KAZN: variants seen among roughly 807,000 people sequenced by gnomAD.
The protein encoded by KAZN is kazrin.
In KAZN, 40 loss-of-function variants were observed where a neutral mutation model predicts 87.4. That is an observed-to-expected ratio of 0.46 (90% CI 0.36 to 0.60). KAZN has a LOEUF of 0.60. Ranked by LOEUF, KAZN falls within the 20% of genes least tolerant of loss-of-function variation. KAZN has a pLI of 0.00. For missense variants in KAZN, 898 were observed against 1,073.9 expected (o/e 0.84, Z 2.29); for synonymous variants, 466 against 458.3 (o/e 1.02, Z -0.22).
chr1:14,958,893 A>G (rs1469924692), intron 1 of KAZN, among the ~76,000 whole-genome samples: 1 of 152,038 alleles, frequency 6.6e-6, no homozygotes, highest in Non-Finnish European at 1.5e-5. Context: ...TGGCCAGCGC[A>G]AGGCTGGTGA....
intron 1 of KAZN, among the ~76,000 whole-genome samples, chr1:14,775,638 G>A (rs960089724): frequency 6.6e-6 from 1 of 152,216 alleles, no homozygotes; most frequent in African/African-American, 2.4e-5. Context: ...GCGCCATGCT[G>A]CTCGCCACAC....
At chr1:13,978,443 T>G (rs1638483583) in intron 1 of KAZN, among the ~76,000 whole-genome samples, 2 of 150,814 alleles carry the variant, frequency 1.3e-5, no homozygotes, top group Non-Finnish European at 3.0e-5. Context: ...TAAAAGAAGA[T>G]AAATAATTAC....
intron 2 of KAZN, among the ~76,000 whole-genome samples, chr1:14,524,157 G>A (rs1340574778): frequency 6.6e-6 from 1 of 152,116 alleles, no homozygotes; most frequent in East Asian, 1.9e-4. Context: ...GAGTAGCTGG[G>A]ATTACAGGCA....
At chr1:14,649,178 T>C (rs1681036661) in intron 1 of KAZN, among the ~76,000 whole-genome samples, 1 of 152,230 alleles carries the variant, frequency 6.6e-6, no homozygotes, top group Non-Finnish European at 1.5e-5. Context: ...GAGTAAAGAT[T>C]TGTTCTCTTC....
intron 3 of KAZN, among the ~76,000 whole-genome samples, chr1:15,039,021 A>G (rs948675621): frequency 6.7e-6 from 1 of 148,968 alleles, no homozygotes; most frequent in African/African-American, 2.4e-5. Context: ...TACCAGTAGC[A>G]GATGTTTATT....
At position 14,553,201 on chromosome 1, in the gene KAZN, C is replaced by G. The variant is rs183262145; in HGVS notation, c.250-45782C>G. On this transcript the variant is annotated intron_variant, in intron 2 of 16. Transcript: ENST00000636203. ...ACCAGCCTGGCCAACATAGCAAAACCTTGTCTCTACTGAAAACACAAAAAA... is the reference window on the plus strand; with the variant it reads ...ACCAGCCTGGCCAACATAGCAAAACGTTGTCTCTACTGAAAACACAAAAAA... 4.4e-3 allele frequency among the ~76,000 whole-genome samples: 675 copies of G among 152,186 alleles called. 2 individuals are homozygous for G. The highest frequency in any genetic ancestry group is 7.4e-3 in the Non-Finnish European group (500 of 68,006).
At chr1:14,892,642 G>C (rs1312917085) in intron 1 of KAZN, among the ~76,000 whole-genome samples, 2 of 152,190 alleles carry the variant, frequency 1.3e-5, no homozygotes, top group Non-Finnish European at 2.9e-5. Flanking sequence ...GCAAGCTTTC[G>C]AATGACCTCT....
chr1:14,180,018 A>G (rs1056582601), intron 1 of KAZN, among the ~76,000 whole-genome samples: 1 of 152,214 alleles, frequency 6.6e-6, no homozygotes, highest in Non-Finnish European at 1.5e-5. Flanking sequence ...AGCCAACTGT[A>G]TTACCATAAA....
chr1:14,730,069 G>T (rs1643606517), intron 1 of KAZN, among the ~76,000 whole-genome samples: 1 of 152,070 alleles, frequency 6.6e-6, no homozygotes, highest in Non-Finnish European at 1.5e-5. Context: ...AGAGTTTGCT[G>T]GTCCCTCTCA....
At chr1:14,247,911 T>G (rs1465358001) in intron 2 of KAZN, among the ~76,000 whole-genome samples, 1 of 152,186 alleles carries the variant, frequency 6.6e-6, no homozygotes, top group South Asian at 2.1e-4. Flanking sequence ...CAGTTGCTCT[T>G]GTACTACACA....
intron 1 of KAZN, among the ~76,000 whole-genome samples, chr1:13,944,533 A>T (rs1312148051): frequency 6.6e-6 from 1 of 152,240 alleles, no homozygotes; most frequent in Non-Finnish European, 1.5e-5. Context: ...ATATACCTGA[A>T]TAAAGTTGTT....
intron 1 of KAZN, among the ~76,000 whole-genome samples, chr1:14,691,943 T>TA (rs1245113779): frequency 1.1e-4 from 16 of 145,186 alleles, no homozygotes; most frequent in Non-Finnish European, 2.0e-4. Flanking sequence ...TTTTTTTTTT[T>TA]ACGATGAATT....
intron 2 of KAZN, among the ~76,000 whole-genome samples, chr1:14,527,389 A>G (rs1013484006): frequency 3.5e-4 from 53 of 152,072 alleles, no homozygotes; most frequent in African/African-American, 1.3e-3. Context: ...TCTCTACTAA[A>G]AATGCAAAAA....
intron 1 of KAZN, among the ~76,000 whole-genome samples, chr1:14,073,678 G>T (rs145893780): frequency 0.013 from 1,915 of 152,100 alleles, 17 homozygotes; most frequent in Middle Eastern, 0.048. Flanking sequence ...GTGTTAGTTT[G>T]CTGAGAATGA....
At chr1:13,907,500 T>G (rs1639487344) in intron 1 of KAZN, among the ~76,000 whole-genome samples, 1 of 148,598 alleles carries the variant, frequency 6.7e-6, no homozygotes, top group South Asian at 2.2e-4. Context: ...TGAGGCTGTG[T>G]GTGTGTGTGT....
chr1:13,978,001 G>A (rs904258503), intron 1 of KAZN, among the ~76,000 whole-genome samples: 2 of 152,014 alleles, frequency 1.3e-5, no homozygotes, highest in African/African-American at 4.8e-5. Context: ...GGCGGTGTGC[G>A]CCTGTGGTCC....
At chr1:14,697,931 G>C (rs1641707177) in intron 1 of KAZN, among the ~76,000 whole-genome samples, 1 of 152,166 alleles carries the variant, frequency 6.6e-6, no homozygotes, top group East Asian at 1.9e-4. Flanking sequence ...CTGCTTCCCA[G>C]AGCATAGAGC....
intron 2 of KAZN, among the ~76,000 whole-genome samples, chr1:14,485,752 G>T (rs1263819233): frequency 6.6e-6 from 1 of 152,040 alleles, no homozygotes; most frequent in Non-Finnish European, 1.5e-5. Flanking sequence ...AATTAGCCGG[G>T]CATGCTGGTG....
chr1:15,060,394 C>A (rs899079147), intron 6 of KAZN, 92 bp downstream of exon 6: 23 of 1,527,880 alleles, frequency 1.5e-5, no homozygotes, highest in Non-Finnish European at 2.7e-6. Context: ...CTCGCTGTTT[C>A]CTCTCGTCCA....
Sources: allele counts gnomAD v4.1 joint callset (sites outside exome capture counted in the v4.1 genomes callset), GRCh38; gene constraint gnomAD v4.1.1; transcripts MANE v1.5; gene names NCBI Gene and HGNC (gene_info 2026-07-23, HGNC 2026-07-21).